Variants in NECAB2 observed in about 807,000 individuals in gnomAD.
NECAB2 encodes the protein N-terminal EF-hand calcium-binding protein 2.
NECAB2 carries 68 observed loss-of-function variants against 51.9 expected under a neutral mutation model. The ratio of observed to expected loss-of-function variants is 1.31; its 90% CI spans 1.08 to 1.60. NECAB2 has a LOEUF of 1.60. Ranked by LOEUF, NECAB2 falls within the 40% of genes most tolerant of loss-of-function variation. The probability of loss-of-function intolerance (pLI) is 0.00; values close to 1 mark genes in which losing one functional copy is unlikely to be tolerated. For synonymous variants in NECAB2, 329 were observed against 203.5 expected (o/e 1.62, Z -5.25); for missense variants, 854 against 490.3 (o/e 1.74, Z -7.00).
At chr16:83,997,901 G>C (rs1440997108) in intron 9 of NECAB2, among the ~76,000 whole-genome samples, 2 of 152,166 alleles carry the variant, frequency 1.3e-5, no homozygotes, top group Admixed American at 1.3e-4. Flanking sequence ...TTTCTTGTCA[G>C]TGGATGTGCT....
intron 10 of NECAB2, among the ~76,000 whole-genome samples, chr16:83,998,562 G>C (rs2084755323): frequency 6.6e-6 from 1 of 152,180 alleles, no homozygotes; most frequent in Admixed American, 6.5e-5. Flanking sequence ...CCACCCCCAG[G>C]ACTCCTTGCT....
chr16:83,968,550 G>A lies in NECAB2; in HGVS notation c.-99G>A, dbSNP rs1378721439. 2 of 919,128 alleles carry A rather than the reference G, an allele frequency of 2.2e-6. No homozygotes were observed. Among genetic ancestry groups the A allele is most frequent in the Non-Finnish European group, 2.6e-6 (2 of 772,506 alleles). 56.9% of individuals were successfully genotyped at this position (919,128 alleles called of 1,614,324 possible). A position where few individuals can be genotyped will look rare whatever the true frequency, so the allele number is the denominator to read the frequency against. The stretch of plus-strand genomic sequence containing the variant: ...CCGCGGGGGCAGCGGGAGAGAGGGC[G>A]GGGCGGCGCGGGCAGCGCGGGGAGG... On this transcript the variant is annotated 5_prime_UTR_variant, in exon 1 of 13. Transcript: ENST00000305202.
At chr16:83,998,679 G>C (rs13333537) in intron 10 of NECAB2, among the ~76,000 whole-genome samples, 23,975 of 152,200 alleles carry the variant, frequency 0.16, 2,497 homozygotes, top group African/African-American at 0.3. Context: ...AGCTGCTGCT[G>C]TCACAGGGGT....
chr16:83,980,760 G>A (rs1279864793), intron 3 of NECAB2, 79 bp from the exon 4 acceptor site: 3 of 1,511,410 alleles, frequency 2.0e-6, no homozygotes, highest in African/African-American at 2.8e-5. Context: ...CAGGATGTGT[G>A]TTTCGCAGGC....
intron 5 of NECAB2, among the ~76,000 whole-genome samples, chr16:83,989,790 C>T (rs1362045487): frequency 6.6e-6 from 1 of 152,182 alleles, no homozygotes; most frequent in Non-Finnish European, 1.5e-5. Context: ...AATTCTGTTC[C>T]ACACCACAGA....
chr16:83,986,987 T>A (rs2084565070), intron 5 of NECAB2, among the ~76,000 whole-genome samples: 1 of 152,146 alleles, frequency 6.6e-6, no homozygotes, highest in South Asian at 2.1e-4. Flanking sequence ...CACCATGACA[T>A]ACCCATGTAA....
Position 84,001,552 on chromosome 16 carries a change from CT to C in NECAB2, c.1041-272del, listed in dbSNP as rs2084836362. Among the ~76,000 whole-genome samples, 3 of 152,176 alleles carry C rather than the reference CT, an allele frequency of 2.0e-5. No individual in the cohort carries two copies. In the South Asian group the frequency reaches 6.2e-4, roughly 32 times the overall value. ...GCAGAGGATGGCCCCACTCCTCCTG[CT>C]AGGGTAAAGGGGGAGGTAGAGGCTC... On this transcript the variant is annotated intron_variant, in intron 11 of 12. Transcript: ENST00000305202.
intron 11 of NECAB2, among the ~76,000 whole-genome samples, chr16:84,001,240 G>C (rs963581213): frequency 6.6e-6 from 1 of 152,000 alleles, no homozygotes; most frequent in African/African-American, 2.4e-5. Flanking sequence ...CAGCAGCTCT[G>C]ATGGGCCTTA....
intron 1 of NECAB2, among the ~76,000 whole-genome samples, chr16:83,971,200 A>C (rs1373528990): frequency 6.6e-6 from 1 of 152,194 alleles, no homozygotes; most frequent in Non-Finnish European, 1.5e-5. Context: ...CTGCATTGCA[A>C]ACAAGCTCCT....
Position 83,994,747 on chromosome 16 carries a change from T to G in NECAB2, c.795+59T>G, listed in dbSNP as rs551318778. On this transcript the variant is annotated intron_variant, in intron 8 of 12. Transcript: ENST00000305202. The stretch of plus-strand genomic sequence containing the variant: ...TCCAACCCCTGAGGGAGTGCAGAGT[T>G]AAGCCTGGAGTTCAGGACAAAAGTC... 1.5e-5 allele frequency: 23 copies of G among 1,581,952 alleles called. No individual in the cohort carries two copies. The East Asian group carries it at 4.9e-4, about 34-fold the overall frequency.
upstream of NECAB2, among the ~76,000 whole-genome samples, chr16:83,966,715 C>A (rs1398190119): frequency 2.6e-5 from 4 of 152,204 alleles, no homozygotes; most frequent in African/African-American, 9.6e-5. Context: ...GAGTCCCCAG[C>A]CCAGGACAGT....
intron 11 of NECAB2, among the ~76,000 whole-genome samples, 178 bp downstream of exon 11, chr16:84,000,979 GGT>G (rs386793303): frequency 1.0e-5 from 1 of 98,546 alleles, no homozygotes; most frequent in African/African-American, 1.9e-4. Flanking sequence ...AGGAGCTCTT[GGT>G]GGGTAGTGAG....
At chr16:83,997,142 A>C in intron 8 of NECAB2, 74 bp from the exon 9 acceptor site, 1 of 1,590,588 alleles carries the variant, frequency 6.3e-7, no homozygotes, top group African/African-American at 1.4e-5. Context: ...AGCCCCAGGG[A>C]TCCCAGAGCT....
At position 83,995,803 on chromosome 16, in the gene NECAB2, C is replaced by T. The variant is rs141304452; in HGVS notation, c.795+1115C>T. Among the ~76,000 whole-genome samples, 170 of 152,336 alleles carry T rather than the reference C, an allele frequency of 1.1e-3. 2 individuals are homozygous for T. The highest frequency in any genetic ancestry group is 5.2e-3 in the East Asian group (27 of 5,178). On this transcript the variant is annotated intron_variant, in intron 8 of 12. Transcript: ENST00000305202. Reference sequence around the variant, plus strand: ...AGGGAGGAAGCTCAAACTTCCCCTCCTGCAGGGATGAGGCTGAGGTGGAGT... The same window carrying T: ...AGGGAGGAAGCTCAAACTTCCCCTCTTGCAGGGATGAGGCTGAGGTGGAGT...
intron 8 of NECAB2, among the ~76,000 whole-genome samples, chr16:83,996,189 C>T (rs981935239): frequency 1.3e-5 from 2 of 152,334 alleles, no homozygotes; most frequent in African/African-American, 4.8e-5. Flanking sequence ...GCCACAGTGC[C>T]TCTCCTCATC....
intron 10 of NECAB2, among the ~76,000 whole-genome samples, chr16:83,999,156 G>T (rs984410177): frequency 2.0e-5 from 3 of 152,206 alleles, no homozygotes; most frequent in Admixed American, 2.0e-4. Flanking sequence ...TGAGGCTTGA[G>T]TGACAACAGC....
In NECAB2 at chr16:83,998,213, G is replaced by C. The variant is rs1485529443; in HGVS notation, c.858G>C (p.Gln286His). Reference sequence around the variant, plus strand: ...CCTGCTGTGCCCGGCAGCACCTGCAGCTGGTCCGGCAGGAGATGGCCGTGT... The same window carrying C: ...CCTGCTGTGCCCGGCAGCACCTGCACCTGGTCCGGCAGGAGATGGCCGTGT... Reference protein sequence around the residue: ...SDEDGTNMHLQLVRQEMAVCP... With the variant: ...SDEDGTNMHLHLVRQEMAVCP... Residue 286 changes from glutamine (Q) to histidine (H), a missense_variant, in exon 10 of 13, where the codon CAG (glutamine) becomes CAC (histidine). Coordinates refer to ENST00000305202, the MANE Select transcript of NECAB2 (RefSeq NM_019065.3). The C allele has an allele frequency of 5.0e-6, 8 of 1,609,818 alleles. No homozygotes were observed. The highest frequency in any genetic ancestry group is 2.7e-5 in the African/African-American group (2 of 75,062).
At chr16:83,966,360 G>A (rs1041231170), upstream of NECAB2, 6 of 299,290 alleles carry the variant, frequency 2.0e-5, no homozygotes, top group South Asian at 1.6e-4. Flanking sequence ...CTCTGTGCTC[G>A]GAGGGAGCTG....
intron 10 of NECAB2, among the ~76,000 whole-genome samples, chr16:83,999,200 G>A (rs190750390): frequency 3.9e-5 from 6 of 152,220 alleles, no homozygotes; most frequent in African/African-American, 1.4e-4. Flanking sequence ...AGTAGCCTGG[G>A]CAGGAGTGCG....
Sources: allele counts gnomAD v4.1 joint callset (sites outside exome capture counted in the v4.1 genomes callset), GRCh38; gene constraint gnomAD v4.1.1; transcripts MANE v1.5; gene names NCBI Gene and HGNC (gene_info 2026-07-23, HGNC 2026-07-21).